Variants in RAPGEF6 observed in about 807,000 individuals in gnomAD.
RAPGEF6 encodes the protein Rap guanine nucleotide exchange factor 6.
Under a neutral mutation model 171.4 loss-of-function variants are expected in RAPGEF6, and 56 were observed. The ratio of observed to expected loss-of-function variants is 0.33; its 90% CI spans 0.26 to 0.41. The LOEUF (loss-of-function observed/expected upper bound fraction) is 0.41. RAPGEF6 is among the 10% of genes least tolerant of loss of function. The pLI, the probability that RAPGEF6 is intolerant of heterozygous loss-of-function variation, is 1.00. For synonymous variants in RAPGEF6, 692 were observed against 650.1 expected (o/e 1.06, Z -0.98); for missense variants, 1,674 against 1,921.4 (o/e 0.87, Z 2.41).
intron 22 of RAPGEF6, 27 bp downstream of exon 22, chr5:131,446,456 G>T (rs200245736): frequency 1.1e-4 from 180 of 1,576,076 alleles, no homozygotes; most frequent in Non-Finnish European, 1.5e-4. Context: ...GCTCTTTAGC[G>T]TCACATAAAT....
chr5:131,613,652 T>C (rs1765082071), intron 1 of RAPGEF6, among the ~76,000 whole-genome samples: 1 of 152,074 alleles, frequency 6.6e-6, no homozygotes, highest in South Asian at 2.1e-4. Flanking sequence ...CTTACAAAAA[T>C]AGCTGGTCAT....
At chr5:131,437,946 T>G (rs1752119587) in intron 24 of RAPGEF6, among the ~76,000 whole-genome samples, 1 of 152,176 alleles carries the variant, frequency 6.6e-6, no homozygotes, top group East Asian at 1.9e-4. Flanking sequence ...TCCTCTTTTT[T>G]TTTTGAGATG....
At position 131,462,003 on chromosome 5, in the gene RAPGEF6, T is replaced by C. The variant is rs200066880; in HGVS notation, c.2566A>G (p.Met856Val). The change falls in exon 19 of 28, where the codon ATG (methionine) becomes GTG (valine). Residue 856 changes from methionine (M) to valine (V), a missense_variant. By Grantham distance (21) the Met-to-Val change is conservative (BLOSUM62 1). Coordinates refer to ENST00000509018, the MANE Select transcript of RAPGEF6 (RefSeq NM_016340.6). ...QELVKESQLS[M>V]LQLSTIEVAT... Reference sequence around the variant, plus strand: ...ACCTCAATGGTACTGAGCTGCAGCATGGATAGCTGGCTTTCCTTAACTAGT... The same window carrying C: ...ACCTCAATGGTACTGAGCTGCAGCACGGATAGCTGGCTTTCCTTAACTAGT... 5 of 1,613,998 alleles carry C rather than the reference T, an allele frequency of 3.1e-6. No homozygotes were observed. Among genetic ancestry groups the C allele is most frequent in the Non-Finnish European group, 4.2e-6 (5 of 1,179,930 alleles).
At chr5:131,558,554 T>C (rs1412085450) in intron 5 of RAPGEF6, among the ~76,000 whole-genome samples, 1 of 152,194 alleles carries the variant, frequency 6.6e-6, no homozygotes, top group Non-Finnish European at 1.5e-5. Flanking sequence ...TTTAATTTCC[T>C]GACATGAATA....
At chr5:131,527,791 G>A (rs547405512) in intron 6 of RAPGEF6, among the ~76,000 whole-genome samples, 64 of 151,840 alleles carry the variant, frequency 4.2e-4, no homozygotes, top group African/African-American at 1.5e-3. Context: ...CGAGGCGGGC[G>A]GATCACAAGG....
rs774174536 is a variant in RAPGEF6, at chr5:131,446,549, C to T, written c.3355G>A (p.Asp1119Asn). The T allele has an allele frequency of 3.3e-5, 54 of 1,614,118 alleles. No individual in the cohort carries two copies. The highest frequency in any genetic ancestry group is 2.2e-4 in the Admixed American group (13 of 60,016). Residue 1119 changes from aspartate to asparagine, a missense_variant, in exon 22 of 28, where the codon GAT (aspartate) becomes AAT (asparagine). By Grantham distance (23) the Asp-to-Asn change is conservative. Transcript: ENST00000509018. The stretch of plus-strand genomic sequence containing the variant: ...AACTTCTCCTCATCTGTCTCTACAT[C>T]GAGACTGGAAAGATACTGCTTCACC... ...RKVKQYLSSL[D>N]VETDEEKFQM...
At chr5:131,475,958 A>T (rs1330132256) in intron 16 of RAPGEF6, among the ~76,000 whole-genome samples, 1 of 152,224 alleles carries the variant, frequency 6.6e-6, no homozygotes, top group Non-Finnish European at 1.5e-5. Context: ...GATGCTCAGA[A>T]ATTGTGAAAC....
At chr5:131,438,227 C>T (rs766259350) in intron 24 of RAPGEF6, among the ~76,000 whole-genome samples, 2 of 152,146 alleles carry the variant, frequency 1.3e-5, no homozygotes, top group Non-Finnish European at 2.9e-5. Context: ...TGACCTCAGG[C>T]GATCCGCCTG....
chr5:131,591,919 G>A (rs1197797996), intron 4 of RAPGEF6, among the ~76,000 whole-genome samples: 3 of 151,998 alleles, frequency 2.0e-5, no homozygotes, highest in Admixed American at 6.6e-5. Flanking sequence ...GTGTAATGGC[G>A]TGGTCTCAGC....
At chr5:131,519,945 ATC>A (rs1758364717) in intron 7 of RAPGEF6, among the ~76,000 whole-genome samples, 1 of 152,216 alleles carries the variant, frequency 6.6e-6, no homozygotes, top group East Asian at 1.9e-4. Flanking sequence ...AACTTGTTTC[ATC>A]TCTCTTTTAA....
chr5:131,524,609 T>TGA (rs55956395), intron 6 of RAPGEF6, among the ~76,000 whole-genome samples: 2,352 of 134,946 alleles, frequency 0.017, 41 homozygotes, highest in African/African-American at 0.051. Flanking sequence ...AGAGAGAGAT[T>TGA]GAGAGAGAGA....
In RAPGEF6 at chr5:131,494,740, T is replaced by C. The variant is rs560755621; in HGVS notation, c.1527+813A>G. Among the ~76,000 whole-genome samples the C allele has an allele frequency of 2.6e-5, 4 of 150,948 alleles. No individual in the cohort carries two copies. In the East Asian group the frequency reaches 5.9e-4, roughly 22 times the overall value. On this transcript the variant is annotated intron_variant, in intron 13 of 27. Coordinates refer to ENST00000509018, the MANE Select transcript of RAPGEF6 (RefSeq NM_016340.6). ...ACACAGAATGAACTAGAAGAGAAAC[T>C]AGAACTAGGGTCAGTGAGCAGATTA...
chr5:131,612,943 T>C (rs1765023774), intron 1 of RAPGEF6, among the ~76,000 whole-genome samples: 1 of 152,226 alleles, frequency 6.6e-6, no homozygotes, highest in Non-Finnish European at 1.5e-5. Context: ...TATCTTCAGT[T>C]CTCTGCCTAA....
intron 6 of RAPGEF6, among the ~76,000 whole-genome samples, chr5:131,538,467 C>T (rs914502113): frequency 4.6e-5 from 7 of 152,092 alleles, no homozygotes; most frequent in South Asian, 2.1e-4. Flanking sequence ...ACACAGAAAA[C>T]GTACAGTAAA....
At position 131,431,276 on chromosome 5, in the gene RAPGEF6, G is replaced by C; in HGVS notation, c.4048C>G (p.Gln1350Glu). The change falls in exon 26 of 28, where the codon CAA (glutamine) becomes GAA (glutamate). Residue 1350 changes from glutamine to glutamate, a missense_variant. Physicochemically the swap from Gln to Glu is conservative, Grantham distance 29. Transcript: ENST00000509018. ...GCTGCTTCTATAATGATATGCTCTT[G>C]AGAAATCTCTTCATTGCTCACAGAC... is the stretch of plus-strand genomic sequence containing the variant. ...SSSVSNEEISQEHIIIEAADS... is the reference protein window; with the variant it reads ...SSSVSNEEISEEHIIIEAADS... 1 of 1,614,148 alleles carries C rather than the reference G, an allele frequency of 6.2e-7. No homozygotes were observed. The highest frequency in any genetic ancestry group is 1.3e-5 in the African/African-American group (1 of 75,060).
At position 131,579,416 on chromosome 5, in the gene RAPGEF6, A is replaced by G. The variant is rs140127000; in HGVS notation, c.281+12967T>C. Among the ~76,000 whole-genome samples, 672 of 152,356 alleles carry G rather than the reference A, an allele frequency of 4.4e-3. 8 individuals carry two copies. The highest frequency in any genetic ancestry group is 0.015 in the African/African-American group (634 of 41,590). ...TATTCCCTTATCTGGCCCCACCCAC[A>G]TCCTGCTGATTGGTCCATTTTACAG... On this transcript the variant is annotated intron_variant, in intron 4 of 27. Transcript: ENST00000509018.
At chr5:131,578,328 T>C (rs1307581298) in intron 4 of RAPGEF6, among the ~76,000 whole-genome samples, 1 of 152,186 alleles carries the variant, frequency 6.6e-6, no homozygotes, top group Non-Finnish European at 1.5e-5. Context: ...CAAAGAATTG[T>C]TGGCTATGTG....
intron 6 of RAPGEF6, among the ~76,000 whole-genome samples, chr5:131,540,955 C>T (rs1486723323): frequency 4.6e-5 from 7 of 152,246 alleles, no homozygotes; most frequent in Middle Eastern, 3.4e-3. Flanking sequence ...CACTCCAGCC[C>T]GGGCGACAGT....
At chr5:131,602,352 C>T (rs755379588) in intron 3 of RAPGEF6, among the ~76,000 whole-genome samples, 26 of 152,154 alleles carry the variant, frequency 1.7e-4, no homozygotes, top group Non-Finnish European at 2.6e-4. Flanking sequence ...ACTGAAACAA[C>T]GTTATGTGGC....
Sources: gnomAD v4.1 joint callset for allele counts (sites outside exome capture counted in the v4.1 genomes callset) on GRCh38, gnomAD v4.1.1 for gene constraint, MANE v1.5 for transcripts, NCBI Gene and HGNC (gene_info 2026-07-23, HGNC 2026-07-21) for gene names.